The following RIMS2 variants were observed in gnomAD, a reference collection of about 807,000 sequenced individuals.
RIMS2 encodes regulating synaptic membrane exocytosis 2, also known as regulating synaptic membrane exocytosis protein 2.
RIMS2 carries 59 observed loss-of-function variants against 174.4 expected under a neutral mutation model. The observed-to-expected ratio is 0.34, with a 90% CI of 0.27 to 0.42. RIMS2 has a LOEUF of 0.42. Among genes scored for constraint, RIMS2 ranks in the 10% least tolerant of loss-of-function variants. RIMS2 has a pLI of 1.00. For synonymous variants in RIMS2, 606 were observed against 572.5 expected (o/e 1.06, Z -0.84); for missense variants, 1,620 against 1,666.3 (o/e 0.97, Z 0.48).
intron 4 of RIMS2, among the ~76,000 whole-genome samples, chr8:103,891,548 T>C (rs2099245644): frequency 6.6e-6 from 1 of 152,104 alleles, no homozygotes; most frequent in Non-Finnish European, 1.5e-5. Context: ...CATTTGATCT[T>C]CTTTAAGTTG....
rs900441196 is a variant in RIMS2, at chr8:104,226,687, G to T, written c.3335-18229G>T. On this transcript the variant is annotated intron_variant, in intron 19 of 23. Transcript: ENST00000504942. ...AAGAAAGCCTAATTTAGGAGTTAGA[G>T]AAGGGTGCCCTGAGAAAGTGAGGGT... 4.6e-5 allele frequency among the ~76,000 whole-genome samples: 7 copies of T among 152,274 alleles called. No homozygotes were observed. The South Asian group carries it at 1.5e-3, about 32-fold the overall frequency.
At chr8:103,774,031 A>G (rs1484272494) in intron 3 of RIMS2, among the ~76,000 whole-genome samples, 3 of 152,060 alleles carry the variant, frequency 2.0e-5, no homozygotes, top group African/African-American at 4.8e-5. Flanking sequence ...AATCCCAGCT[A>G]CTCAGGAGGC....
chr8:104,050,580 G>C (rs778394574), intron 19 of RIMS2, among the ~76,000 whole-genome samples: 1 of 151,966 alleles, frequency 6.6e-6, no homozygotes, highest in Non-Finnish European at 1.5e-5. Flanking sequence ...ATAAACTAAG[G>C]GAATTAAAGT....
At chr8:103,794,938 G>T (rs942529777) in intron 3 of RIMS2, among the ~76,000 whole-genome samples, 1 of 152,152 alleles carries the variant, frequency 6.6e-6, no homozygotes, top group African/African-American at 2.4e-5. Flanking sequence ...GGAAACAACG[G>T]GTGATGGAGA....
rs571929828 is a variant in RIMS2 at position 103,952,521 on chromosome 8, T to A, written c.2702-8544T>A. Among the ~76,000 whole-genome samples the A allele has an allele frequency of 1.2e-4, 18 of 152,244 alleles. No homozygotes were observed. In the East Asian group the frequency reaches 3.5e-3, roughly 29 times the overall value. On this transcript the variant is annotated intron_variant, in intron 14 of 23. Coordinates refer to ENST00000504942, the Ensembl canonical transcript of RIMS2. ...CCAGCAGACCTGCAGCAGAGGAGCCTGACTGTTGGAAGGAAACCGACAAAC... is the reference window on the plus strand; with the variant it reads ...CCAGCAGACCTGCAGCAGAGGAGCCAGACTGTTGGAAGGAAACCGACAAAC...
chr8:103,872,746 GC>G (rs2099118671), intron 3 of RIMS2, among the ~76,000 whole-genome samples: 1 of 152,152 alleles, frequency 6.6e-6, no homozygotes, highest in African/African-American at 2.4e-5. Flanking sequence ...CACTAAGAAT[GC>G]GTAGCTTTGT....
At chr8:103,960,413 A>T (rs1390624909) in intron 14 of RIMS2, among the ~76,000 whole-genome samples, 2 of 152,218 alleles carry the variant, frequency 1.3e-5, no homozygotes, top group African/African-American at 4.8e-5. Context: ...CTTAGAAAAC[A>T]TAACAAAACT....
In RIMS2 at chr8:103,747,085, T is replaced by A. The variant is rs994814004; in HGVS notation, c.388-19142T>A. On this transcript the variant is annotated intron_variant, in intron 2 of 23. Transcript: ENST00000504942. The stretch of plus-strand genomic sequence containing the variant: ...GACATGATCTTCTTTCTTTTTTTTT[T>A]AATTAATTACTTTATTATTATTATA... 7.9e-5 allele frequency among the ~76,000 whole-genome samples: 12 copies of A among 151,876 alleles called. No homozygotes were observed. In the South Asian group the frequency reaches 1.0e-3, roughly 13 times the overall value.
intron 1 of RIMS2, among the ~76,000 whole-genome samples, chr8:103,546,254 T>G (rs1321482234): frequency 1.3e-5 from 2 of 152,110 alleles, no homozygotes; most frequent in African/African-American, 2.4e-5. Flanking sequence ...CAAAACAGAC[T>G]TTAACCCAAC....
intron 3 of RIMS2, chr8:103,768,840 C>T: frequency 5.0e-6 from 3 of 601,956 alleles, no homozygotes; most frequent in South Asian, 3.4e-5. Flanking sequence ...TCCTGCAGCA[C>T]AAATGGTGCC....
At chr8:103,809,255 C>T (rs1028148573) in intron 3 of RIMS2, among the ~76,000 whole-genome samples, 5 of 151,636 alleles carry the variant, frequency 3.3e-5, no homozygotes, top group Non-Finnish European at 7.4e-5. Context: ...TGTTTCTCAT[C>T]TTGAATCTAT....
intron 19 of RIMS2, among the ~76,000 whole-genome samples, chr8:104,200,424 T>G (rs2099048856): frequency 6.6e-6 from 1 of 152,106 alleles, no homozygotes; most frequent in African/African-American, 2.4e-5. Context: ...CAGAGATGTC[T>G]AGAAAGGATT....
At chr8:104,006,110 C>G (rs2095566241) in intron 17 of RIMS2, among the ~76,000 whole-genome samples, 1 of 152,062 alleles carries the variant, frequency 6.6e-6, no homozygotes, top group African/African-American at 2.4e-5. Context: ...TCCATCAAAA[C>G]TAAGTTCTAT....
At chr8:104,080,483 T>C (rs1000041947) in intron 19 of RIMS2, among the ~76,000 whole-genome samples, 2 of 152,038 alleles carry the variant, frequency 1.3e-5, no homozygotes, top group Non-Finnish European at 2.9e-5. Context: ...TCTGTATAAT[T>C]TTTAATGAAC....
intron 6 of RIMS2, among the ~76,000 whole-genome samples, chr8:103,912,784 G>GT (rs1426612550): frequency 8.6e-5 from 13 of 151,946 alleles, no homozygotes; most frequent in Non-Finnish European, 1.0e-4. Context: ...AGCTTTGTTT[G>GT]TTTTTTGTGC....
chr8:104,218,583 G>A (rs1225519214), intron 19 of RIMS2, among the ~76,000 whole-genome samples: 2 of 152,186 alleles, frequency 1.3e-5, no homozygotes, highest in Middle Eastern at 3.4e-3. Context: ...TATAGAATCA[G>A]TGGGAGCCCT....
intron 3 of RIMS2, among the ~76,000 whole-genome samples, chr8:103,767,402 G>A (rs1275391741): frequency 6.6e-6 from 1 of 151,966 alleles, no homozygotes; most frequent in East Asian, 1.9e-4. Flanking sequence ...TGGCTAGTAT[G>A]GTCTCAATCT....
chr8:103,665,781 A>T (rs952234987), intron 1 of RIMS2, among the ~76,000 whole-genome samples: 2 of 145,802 alleles, frequency 1.4e-5, no homozygotes, highest in Admixed American at 6.7e-5. Context: ...CATACTTTGC[A>T]TGTGAAAAAA....
At chr8:103,522,933 C>G (rs1479136120) in intron 1 of RIMS2, among the ~76,000 whole-genome samples, 3 of 152,078 alleles carry the variant, frequency 2.0e-5, no homozygotes, top group African/African-American at 7.2e-5. Context: ...GTTAAAGACA[C>G]TTTGTTTAAA....
Sources: gnomAD v4.1 joint callset for allele counts (sites outside exome capture counted in the v4.1 genomes callset) on GRCh38, gnomAD v4.1.1 for gene constraint, MANE v1.5 for transcripts, NCBI Gene and HGNC (gene_info 2026-07-23, HGNC 2026-07-21) for gene names.